The following THADA variants were observed in gnomAD, a reference collection of about 807,000 sequenced individuals.
THADA encodes THADA armadillo repeat containing.
Under a neutral mutation model 219.8 loss-of-function variants are expected in THADA, and 213 were observed. The observed-to-expected ratio is 0.97, with a 90% CI of 0.87 to 1.09. THADA has a LOEUF of 1.09. Among genes scored for constraint, THADA ranks in the 50% least tolerant of loss-of-function variants. The pLI is 0.00. For synonymous variants in THADA, 1,018 were observed against 828.9 expected (o/e 1.23, Z -3.92); for missense variants, 2,956 against 2,311.3 (o/e 1.28, Z -5.72).
intron 26 of THADA, among the ~76,000 whole-genome samples, chr2:43,471,117 A>C (rs1257774005): frequency 1.3e-5 from 2 of 152,224 alleles, no homozygotes; most frequent in African/African-American, 4.8e-5. Flanking sequence ...CTAAGTAAAT[A>C]TACCAAAAAT....
At chr2:43,335,098 C>T (rs1666255087) in intron 30 of THADA, among the ~76,000 whole-genome samples, 1 of 152,162 alleles carries the variant, frequency 6.6e-6, no homozygotes, top group African/African-American at 2.4e-5. Flanking sequence ...ACTCTGTCCC[C>T]TGGGAGCTGG....
chr2:43,339,047 A>G (rs1360037062), intron 30 of THADA, among the ~76,000 whole-genome samples: 1 of 152,228 alleles, frequency 6.6e-6, no homozygotes, highest in Admixed American at 6.5e-5. Flanking sequence ...GCCTTGACAA[A>G]GTTAAAAAAA....
At chr2:43,385,149 C>CA (rs1398725660) in intron 29 of THADA, among the ~76,000 whole-genome samples, 1 of 149,394 alleles carries the variant, frequency 6.7e-6, no homozygotes, top group Non-Finnish European at 1.5e-5. Context: ...TCAAAAAACA[C>CA]AAAAAACAAA....
At chr2:43,412,515 G>A (rs1275905665) in intron 28 of THADA, among the ~76,000 whole-genome samples, 1 of 152,006 alleles carries the variant, frequency 6.6e-6, no homozygotes, top group Admixed American at 6.6e-5. Flanking sequence ...TCAGAGCCTG[G>A]GTAAACTGGT....
intron 29 of THADA, among the ~76,000 whole-genome samples, chr2:43,345,331 G>A (rs556819431): frequency 5.3e-5 from 8 of 152,232 alleles, no homozygotes; most frequent in Admixed American, 4.6e-4. Context: ...TAAATGGGTA[G>A]ACTGGCAGGT....
At chr2:43,478,058 A>G (rs1685746357) in intron 26 of THADA, among the ~76,000 whole-genome samples, 1 of 152,196 alleles carries the variant, frequency 6.6e-6, no homozygotes, top group Non-Finnish European at 1.5e-5. Context: ...TGATTCTCAC[A>G]TTTCCTAAAC....
intron 13 of THADA, among the ~76,000 whole-genome samples, chr2:43,571,489 T>C (rs1449784331): frequency 6.6e-6 from 1 of 151,384 alleles, no homozygotes; most frequent in Non-Finnish European, 1.5e-5. Flanking sequence ...TGAAAAAAAA[T>C]GGTGGGGGGA....
chr2:43,350,973 A>T (rs1439882907), intron 29 of THADA, among the ~76,000 whole-genome samples: 1 of 152,158 alleles, frequency 6.6e-6, no homozygotes, highest in African/African-American at 2.4e-5. Context: ...GAATATCTTT[A>T]AGGACTACAG....
rs1187779088 is a variant in THADA at position 43,560,272 on chromosome 2, G to T, written c.2425C>A (p.Leu809Ile). Residue 809 changes from leucine to isoleucine, a missense_variant, in exon 16 of 38, where the codon CTT (leucine) becomes ATT (isoleucine). Coordinates refer to ENST00000405975, the MANE Select transcript of THADA (RefSeq NM_022065.5). ...FEDVKILAFD[L>I]LMKLSKTAVH... is the part of the protein sequence containing the mutation. ...GCTGTTTTTGATAACTTCATCAGAA[G>T]ATCAAATGCTAAAATTTTCACGTCT... 3 of 1,612,430 alleles carry T rather than the reference G, an allele frequency of 1.9e-6. No individual in the cohort carries two copies. The South Asian group carries it at 3.3e-5, about 18-fold the overall frequency.
intron 29 of THADA, among the ~76,000 whole-genome samples, chr2:43,382,322 G>C (rs1339055423): frequency 6.6e-6 from 1 of 152,192 alleles, no homozygotes; most frequent in African/African-American, 2.4e-5. Context: ...GAAACTAGGT[G>C]AGGGGTGTAC....
At chr2:43,544,311 T>C (rs1695728246) in intron 20 of THADA, among the ~76,000 whole-genome samples, 1 of 152,254 alleles carries the variant, frequency 6.6e-6, no homozygotes, top group Non-Finnish European at 1.5e-5. Flanking sequence ...GGTAGCATGA[T>C]GCCTCCAGCT....
At chr2:43,440,239 T>C (rs989516576) in intron 26 of THADA, among the ~76,000 whole-genome samples, 4 of 152,162 alleles carry the variant, frequency 2.6e-5, no homozygotes, top group Non-Finnish European at 5.9e-5. Context: ...TTTCACCTAA[T>C]CTGCAAAATT....
At chr2:43,457,160 ACAC>A (rs1384694915) in intron 26 of THADA, among the ~76,000 whole-genome samples, 50 of 120,324 alleles carry the variant, frequency 4.2e-4, no homozygotes, top group African/African-American at 1.7e-3. Flanking sequence ...ACACACACAC[ACAC>A]ACACACACAC....
intron 24 of THADA, 116 bp from the exon 25 acceptor site, chr2:43,499,071 A>G: frequency 9.0e-7 from 1 of 1,107,496 alleles, no homozygotes; most frequent in East Asian, 2.7e-5. Context: ...CAAGAAATGG[A>G]TAATCCGCAA....
At chr2:43,275,472 TG>T (rs1672625980) in intron 36 of THADA, among the ~76,000 whole-genome samples, 1 of 152,160 alleles carries the variant, frequency 6.6e-6, no homozygotes, top group Non-Finnish European at 1.5e-5. Flanking sequence ...CTGCCTGCCC[TG>T]TCCCCATGGC....
intron 36 of THADA, among the ~76,000 whole-genome samples, chr2:43,264,007 C>T (rs575285030): frequency 9.9e-5 from 15 of 152,176 alleles, no homozygotes; most frequent in African/African-American, 3.1e-4. Flanking sequence ...GTTTTTAGTT[C>T]CCTGAGACTG....
intron 22 of THADA, among the ~76,000 whole-genome samples, chr2:43,510,684 G>T (rs1020139274): frequency 6.9e-6 from 1 of 145,910 alleles, no homozygotes; most frequent in Non-Finnish European, 1.5e-5. Context: ...AAAAAAAATT[G>T]GGCCGGGTGA....
intron 2 of THADA, 113 bp downstream of exon 2, chr2:43,592,204 C>A: frequency 9.9e-7 from 1 of 1,012,066 alleles, no homozygotes; most frequent in South Asian, 1.8e-5. Flanking sequence ...ACATCCAAAA[C>A]ATAAGGAAAA....
At chr2:43,515,079 T>C (rs1275485863) in intron 22 of THADA, among the ~76,000 whole-genome samples, 1 of 30,794 alleles carries the variant, frequency 3.2e-5, no homozygotes, top group Admixed American at 6.8e-4. Flanking sequence ...ATATATAATA[T>C]ATATAAATAT....
Sources: allele counts gnomAD v4.1 joint callset (sites outside exome capture counted in the v4.1 genomes callset), GRCh38; gene constraint gnomAD v4.1.1; transcripts MANE v1.5; gene names NCBI Gene and HGNC (gene_info 2026-07-23, HGNC 2026-07-21).